The following CDH13 variants were observed in gnomAD, a reference collection of about 807,000 sequenced individuals.
The protein encoded by CDH13 is cadherin-13.
In CDH13, 24 loss-of-function variants were observed where a neutral mutation model predicts 63.8. The observed-to-expected ratio is 0.38, with a 90% CI of 0.27 to 0.53. The LOEUF (loss-of-function observed/expected upper bound fraction) is 0.53. Ranked by LOEUF, CDH13 falls within the 20% of genes least tolerant of loss-of-function variation. CDH13 has a pLI of 0.85. For missense variants in CDH13, 1,049 were observed against 903.1 expected (o/e 1.16, Z -2.07); for synonymous variants, 503 against 355.3 (o/e 1.42, Z -4.67).
chr16:83,076,173 G>A (rs73598129), intron 3 of CDH13, among the ~76,000 whole-genome samples: 2,425 of 152,220 alleles, frequency 0.016, 49 homozygotes, highest in African/African-American at 0.055. Flanking sequence ...TCAACAGGAT[G>A]GCATGACCAG....
chr16:82,829,830 G>A (rs2038446030), intron 1 of CDH13, among the ~76,000 whole-genome samples: 1 of 152,100 alleles, frequency 6.6e-6, no homozygotes, highest in Non-Finnish European at 1.5e-5. Context: ...GCAATAATCT[G>A]ATTCTTAAAG....
At chr16:82,698,095 A>C (rs1253991250) in intron 1 of CDH13, among the ~76,000 whole-genome samples, 1 of 152,196 alleles carries the variant, frequency 6.6e-6, no homozygotes, top group African/African-American at 2.4e-5. Flanking sequence ...CATGGAATTT[A>C]ACTTGGACAG....
intron 1 of CDH13, among the ~76,000 whole-genome samples, chr16:82,671,808 C>T (rs1913276027): frequency 1.3e-5 from 2 of 151,238 alleles, no homozygotes; most frequent in African/African-American, 4.8e-5. Flanking sequence ...TATTCATGAC[C>T]CTTTGGATTA....
intron 5 of CDH13, among the ~76,000 whole-genome samples, chr16:83,239,882 G>A (rs1418987718): frequency 6.6e-6 from 1 of 152,144 alleles, no homozygotes; most frequent in Non-Finnish European, 1.5e-5. Context: ...AGGGGAGCTG[G>A]AGGAGGTGCA....
In CDH13 at chr16:83,622,834, G is replaced by A. The variant is rs149114744; in HGVS notation, c.1101+20240G>A. 8.6e-4 allele frequency among the ~76,000 whole-genome samples: 131 copies of A among 152,344 alleles called. No homozygotes were observed. The East Asian group carries it at 0.023, about 27-fold the overall frequency. On this transcript the variant is annotated intron_variant, in intron 8 of 13. Coordinates refer to ENST00000567109, the MANE Select transcript of CDH13 (RefSeq NM_001257.5). ...AGTTAGCAGGGTTGCAGCGGCCTCA[G>A]CTTTTTGGTTCATGCAGTCACCGCA...
intron 3 of CDH13, among the ~76,000 whole-genome samples, chr16:83,054,733 C>T (rs1050340334): frequency 2.6e-5 from 4 of 151,974 alleles, no homozygotes; most frequent in African/African-American, 9.7e-5. Flanking sequence ...TAGAAAAACC[C>T]ATCATCATAG....
chr16:82,909,902 A>C (rs1468597515), intron 2 of CDH13, among the ~76,000 whole-genome samples: 2 of 152,158 alleles, frequency 1.3e-5, no homozygotes, highest in Admixed American at 1.3e-4. Context: ...GACATTTTTC[A>C]TGTGCACCAA....
rs1156444878 is a variant in CDH13 at position 82,644,840 on chromosome 16, G to C, written c.45+17703G>C. Among the ~76,000 whole-genome samples, 5 of 152,172 alleles carry C rather than the reference G, an allele frequency of 3.3e-5. No individual in the cohort carries two copies. The highest frequency in any genetic ancestry group is 2.9e-5 in the Non-Finnish European group (2 of 68,022). ...CCTCCCTGGTCAGTTTTCCAGCATA[G>C]CGTTTTGCAAAATGTGTTCTGAAGA... On this transcript the variant is annotated intron_variant, in intron 1 of 13. Coordinates refer to ENST00000567109, the MANE Select transcript of CDH13 (RefSeq NM_001257.5). This position sits in a 1 kb window ranked among gnomAD's most constrained non-coding sequence, Gnocchi z 5.7.
At chr16:83,567,659 G>A (rs551515761) in intron 7 of CDH13, among the ~76,000 whole-genome samples, 6 of 152,218 alleles carry the variant, frequency 3.9e-5, no homozygotes, top group East Asian at 3.9e-4. Flanking sequence ...GCAGTGGTGC[G>A]ATCTGGGCTC....
At chr16:83,637,208 C>G (rs1245164290) in intron 8 of CDH13, among the ~76,000 whole-genome samples, 2 of 152,096 alleles carry the variant, frequency 1.3e-5, no homozygotes, top group Non-Finnish European at 2.9e-5. Context: ...TTGTAAACAA[C>G]ATTAAAATAT....
intron 8 of CDH13, among the ~76,000 whole-genome samples, chr16:83,631,202 C>A (rs1474128813): frequency 3.9e-5 from 6 of 152,202 alleles, no homozygotes; most frequent in African/African-American, 1.4e-4. Flanking sequence ...GGTTATCTGG[C>A]AGAATTCTGC....
intron 1 of CDH13, among the ~76,000 whole-genome samples, chr16:82,707,266 G>C (rs1200094777): frequency 6.6e-6 from 1 of 152,212 alleles, no homozygotes; most frequent in African/African-American, 2.4e-5. Flanking sequence ...TACAAAGCCA[G>C]CTGACTCATT....
chr16:83,461,967 G>A (rs1315114331), intron 6 of CDH13, among the ~76,000 whole-genome samples: 1 of 152,218 alleles, frequency 6.6e-6, no homozygotes, highest in African/African-American at 2.4e-5. Context: ...ACACCTCCCT[G>A]TCCCTACATG....
At chr16:83,747,251 C>T (rs1912668535) in intron 10 of CDH13, among the ~76,000 whole-genome samples, 1 of 152,122 alleles carries the variant, frequency 6.6e-6, no homozygotes, top group Non-Finnish European at 1.5e-5. Context: ...ATCTTGAATT[C>T]CCACATATTA....
At chr16:82,928,164 ATGTGTG>A (rs5818417) in intron 2 of CDH13, among the ~76,000 whole-genome samples, 15 of 151,034 alleles carry the variant, frequency 9.9e-5, no homozygotes, top group South Asian at 4.2e-4. Context: ...GCAGTCGTGT[ATGTGTG>A]TGTGTGTGTG....
At chr16:83,128,064 C>G (rs371714587) in intron 4 of CDH13, among the ~76,000 whole-genome samples, 2 of 152,152 alleles carry the variant, frequency 1.3e-5, no homozygotes, top group South Asian at 2.1e-4. Flanking sequence ...GATGCATTCT[C>G]GTTTTTCAGT....
intron 3 of CDH13, among the ~76,000 whole-genome samples, chr16:83,101,652 G>C (rs2151602460): frequency 6.6e-6 from 1 of 152,168 alleles, no homozygotes; most frequent in African/African-American, 2.4e-5. Context: ...AAATTAGCTG[G>C]GTGTCGTTTT....
chr16:83,173,973 G>T (rs887600605), intron 4 of CDH13, among the ~76,000 whole-genome samples: 1 of 152,060 alleles, frequency 6.6e-6, no homozygotes, highest in Non-Finnish European at 1.5e-5. Flanking sequence ...TATCACACCA[G>T]CATGTAGAGA....
intron 5 of CDH13, among the ~76,000 whole-genome samples, chr16:83,298,577 G>C (rs551528495): frequency 1.3e-5 from 2 of 152,114 alleles, no homozygotes; most frequent in Admixed American, 6.5e-5. Context: ...AGCTTCCTAA[G>C]CACTTAAAAA....
Sources: gnomAD v4.1 joint callset for allele counts (sites outside exome capture counted in the v4.1 genomes callset) on GRCh38, gnomAD v4.1.1 for gene constraint, Gnocchi (gnomAD v3.1) non-coding constraint, MANE v1.5 for transcripts, NCBI Gene and HGNC (gene_info 2026-07-23, HGNC 2026-07-21) for gene names.